The following PDE12 variants were observed in gnomAD, a reference collection of about 807,000 sequenced individuals.
PDE12 encodes the protein 2',5'-phosphodiesterase 12.
PDE12 carries 26 observed loss-of-function variants against 45.4 expected under a neutral mutation model. The observed-to-expected ratio is 0.57, with a 90% confidence interval of 0.42 to 0.79. PDE12 has a LOEUF of 0.79. Among genes scored for constraint, PDE12 ranks in the 30% least tolerant of loss-of-function variants. The probability of loss-of-function intolerance (pLI) is 0.00; values close to 1 mark genes in which losing one functional copy is unlikely to be tolerated. For synonymous variants in PDE12, 283 were observed against 323.9 expected (o/e 0.87, Z 1.36); for missense variants, 668 against 790.0 (o/e 0.85, Z 1.85).
At chr3:57,634,231 G>A in the PDE12 span, among the ~76,000 whole-genome samples, 1 of 151,156 alleles carries the variant, frequency 6.6e-6, no homozygotes, top group South Asian at 2.1e-4. Context: ...CCAGGAGTTC[G>A]AGACCAGCCT....
At position 57,556,937 on chromosome 3, in the gene PDE12, A is replaced by G. The variant is rs199928560; in HGVS notation, c.558A>G (p.Glu186=). ...CTGTGTGCCCCAAACTCAGCCTCGA[A>G]TTTGGGGATCCCGCCAGCTCCCTTT... ...GFPVCPKLSL[E]FGDPASSLFR... Residue 186 remains glutamate, a synonymous_variant, in exon 1 of 3, where the codon GAA becomes GAG. Transcript: ENST00000311180. The surrounding 1 kb of genome is among the most constrained non-coding windows in gnomAD (Gnocchi z 5.0). 6 of 1,614,162 alleles carry G rather than the reference A, an allele frequency of 3.7e-6. No homozygotes were observed. The highest frequency in any genetic ancestry group is 1.3e-5 in the African/African-American group (1 of 75,054).
At chr3:57,594,690 A>C in the PDE12 span, among the ~76,000 whole-genome samples, 1 of 152,214 alleles carries the variant, frequency 6.6e-6, no homozygotes, top group Non-Finnish European at 1.5e-5. Flanking sequence ...TAAAGTCTGA[A>C]TAAAACACTG....
the PDE12 span, among the ~76,000 whole-genome samples, chr3:57,586,488 C>T: frequency 6.6e-6 from 1 of 152,150 alleles, no homozygotes; most frequent in Non-Finnish European, 1.5e-5. Context: ...CTACTCTGTA[C>T]CCTACCAAGA....
In PDE12 at chr3:57,561,512, G is replaced by A; in HGVS notation, c.*1508G>A. 1 of 984,734 alleles carries A rather than the reference G, an allele frequency of 1.0e-6. No individual in the cohort carries two copies. 61.0% of individuals were successfully genotyped at this position (984,734 alleles called of 1,614,324 possible). On this transcript the variant is annotated 3_prime_UTR_variant, in exon 3 of 3. Coordinates refer to ENST00000311180, the MANE Select transcript of PDE12 (RefSeq NM_177966.7). ...AAATGGTTATACTGATTAGTGTCTA[G>A]CCTAGAGTGGTAACCATGCTTTACT...
chr3:57,590,828 G>A, the PDE12 span, among the ~76,000 whole-genome samples: 28 of 152,236 alleles, frequency 1.8e-4, no homozygotes, highest in African/African-American at 6.5e-4. Context: ...ACAGGGGCAC[G>A]CCACCATGCC....
intron 1 of PDE12, 92 bp from the exon 2 acceptor site, chr3:57,559,218 C>G: frequency 9.2e-7 from 1 of 1,083,216 alleles, no homozygotes. Flanking sequence ...GAGACTGTCT[C>G]GAAAAAACTC....
chr3:57,628,326 T>G, the PDE12 span: 1 of 1,614,156 alleles, frequency 6.2e-7, no homozygotes, highest in South Asian at 1.1e-5. Context: ...CACAGGTAAG[T>G]GCTCTCGATC....
chr3:57,557,320 G>C lies in PDE12; in HGVS notation c.941G>C (p.Arg314Pro). Residue 314 changes from arginine to proline, a missense_variant, in exon 1 of 3, where the codon CGA (arginine) becomes CCA (proline). Coordinates refer to ENST00000311180, the MANE Select transcript of PDE12 (RefSeq NM_177966.7). ...ADTYAQTEFSRTVLYPYCAPY... is the reference protein window; with the variant it reads ...ADTYAQTEFSPTVLYPYCAPY... The stretch of plus-strand genomic sequence containing the variant: ...ACGTACGCGCAGACTGAGTTCTCGC[G>C]AACGGTTCTGTACCCATACTGTGCC... 2 of 1,613,900 alleles carry C rather than the reference G, an allele frequency of 1.2e-6. No individual in the cohort carries two copies. The highest frequency in any genetic ancestry group is 1.7e-6 in the Non-Finnish European group (2 of 1,180,018).
the PDE12 span, among the ~76,000 whole-genome samples, chr3:57,651,811 C>T: frequency 6.6e-6 from 1 of 152,026 alleles, no homozygotes; most frequent in East Asian, 1.9e-4. Context: ...ACTGGCTAAA[C>T]TGGGACAATT....
the PDE12 span, among the ~76,000 whole-genome samples, chr3:57,585,766 G>A: frequency 6.7e-6 from 1 of 149,754 alleles, no homozygotes; most frequent in Non-Finnish European, 1.5e-5. Flanking sequence ...AGGTTCAAGC[G>A]ATTCTCCTAC....
the PDE12 span, chr3:57,598,329 A>C: frequency 6.6e-6 from 1 of 152,146 alleles, no homozygotes; most frequent in Non-Finnish European, 1.5e-5. Flanking sequence ...GTATATTTCC[A>C]TAGGATGGGG....
At chr3:57,570,226 T>TTTTG (rs1375523375), downstream of PDE12, among the ~76,000 whole-genome samples, 4 of 142,330 alleles carry the variant, frequency 2.8e-5, no homozygotes, top group Non-Finnish European at 4.6e-5. Flanking sequence ...AGTGTTTTTT[T>TTTTG]TTTTTTTTTT....
the PDE12 span, among the ~76,000 whole-genome samples, chr3:57,579,210 C>T: frequency 2.6e-5 from 3 of 114,636 alleles, no homozygotes; most frequent in South Asian, 3.1e-4. Context: ...GCCGAGATGG[C>T]GCCATTGCAC....
At chr3:57,612,169 C>T in the PDE12 span, among the ~76,000 whole-genome samples, 2 of 142,978 alleles carry the variant, frequency 1.4e-5, no homozygotes, top group Non-Finnish European at 3.0e-5. Flanking sequence ...TATGTTCTCA[C>T]TCATAGGTGG....
At chr3:57,616,512 G>A in the PDE12 span, among the ~76,000 whole-genome samples, 1 of 151,390 alleles carries the variant, frequency 6.6e-6, no homozygotes, top group African/African-American at 2.4e-5. Flanking sequence ...GGAAGAGGAA[G>A]AGGAGAAGGA....
chr3:57,583,376 C>T, the PDE12 span, among the ~76,000 whole-genome samples: 6 of 152,054 alleles, frequency 3.9e-5, no homozygotes, highest in Non-Finnish European at 8.8e-5. Flanking sequence ...TACGTGCCAC[C>T]CCCAAATTTG....
At chr3:57,558,347 A>G (rs1243140126) in intron 1 of PDE12, among the ~76,000 whole-genome samples, 1 of 152,190 alleles carries the variant, frequency 6.6e-6, no homozygotes, top group Non-Finnish European at 1.5e-5. Context: ...TGCAGGTCAC[A>G]TTGCTATAAA....
chr3:57,628,792 G>A, the PDE12 span: 1 of 1,604,274 alleles, frequency 6.2e-7, no homozygotes, highest in Non-Finnish European at 8.5e-7. Flanking sequence ...TTTAATCTTT[G>A]GCTGTTTTGG....
chr3:57,610,525 AC>A, the PDE12 span, among the ~76,000 whole-genome samples: 58,528 of 151,966 alleles, frequency 0.39, 12,600 homozygotes, highest in South Asian at 0.55. Context: ...CTGATAGGCA[AC>A]TTCAGCAAAG....
Sources: allele counts gnomAD v4.1 joint callset (sites outside exome capture counted in the v4.1 genomes callset), GRCh38; gene constraint gnomAD v4.1.1; non-coding constraint Gnocchi (gnomAD v3.1); transcripts MANE v1.5; gene names NCBI Gene and HGNC (gene_info 2026-07-23, HGNC 2026-07-21).